The following CADM2 variants were observed in gnomAD, a reference collection of about 807,000 sequenced individuals.
CADM2 encodes immunoglobulin superfamily member 4D.
CADM2 carries 12 observed loss-of-function variants against 49.8 expected under a neutral mutation model. The observed-to-expected ratio is 0.24, with a 90% CI of 0.15 to 0.39. The LOEUF is 0.39. CADM2 is among the 10% of genes least tolerant of loss of function. The pLI, the probability that CADM2 is intolerant of heterozygous loss-of-function variation, is 1.00. For missense variants in CADM2, 378 were observed against 492.3 expected (o/e 0.77, Z 2.20); for synonymous variants, 214 against 175.4 (o/e 1.22, Z -1.74).
At chr3:85,229,999 C>T (rs768788148) in intron 1 of CADM2, among the ~76,000 whole-genome samples, 8 of 152,148 alleles carry the variant, frequency 5.3e-5, no homozygotes, top group Non-Finnish European at 7.4e-5. Context: ...ACACGTGGGT[C>T]TCAGGATAAA....
rs908342874 is a variant in CADM2, at chr3:85,639,504, C to G, written c.62-87018C>G. Among the ~76,000 whole-genome samples, 6 of 152,204 alleles carry G rather than the reference C, an allele frequency of 3.9e-5. No individual in the cohort carries two copies. The East Asian group carries it at 1.2e-3, about 29-fold the overall frequency. ...TTTCAGGTATTAAGTTCAGTCAACT[C>G]GTAGAATGCTCTACCACCAGGAGTT... On this transcript the variant is annotated intron_variant, in intron 1 of 9. Transcript: ENST00000383699.
intron 1 of CADM2, among the ~76,000 whole-genome samples, chr3:85,327,593 A>ACACAC (rs1430869409): frequency 6.8e-5 from 10 of 146,342 alleles, no homozygotes; most frequent in Non-Finnish European, 1.4e-4. Context: ...CACACACCAC[A>ACACAC]CACACACACA....
intron 1 of CADM2, among the ~76,000 whole-genome samples, chr3:85,104,099 GT>G (rs2038117905): frequency 6.6e-6 from 1 of 151,804 alleles, no homozygotes; most frequent in African/African-American, 2.4e-5. Context: ...TGCTTTTGGT[GT>G]TTTAGACATG....
intron 1 of CADM2, among the ~76,000 whole-genome samples, chr3:84,983,032 C>T (rs531951016): frequency 1.3e-5 from 2 of 152,038 alleles, no homozygotes; most frequent in Admixed American, 1.3e-4. Flanking sequence ...CAGGCCTGAG[C>T]CACTGCGCCC....
chr3:85,136,411 T>G (rs189803103), intron 1 of CADM2, among the ~76,000 whole-genome samples: 1 of 151,974 alleles, frequency 6.6e-6, no homozygotes, highest in African/African-American at 2.4e-5. Context: ...TGAAAAAGTT[T>G]AGAAACAGAA....
At chr3:85,874,020 T>C (rs987571216) in intron 3 of CADM2, among the ~76,000 whole-genome samples, 25 of 152,110 alleles carry the variant, frequency 1.6e-4, no homozygotes, top group African/African-American at 6.0e-4. Context: ...TTATGGACTA[T>C]TGTTAATAAA....
intron 1 of CADM2, among the ~76,000 whole-genome samples, chr3:85,646,024 T>C (rs2107566777): frequency 6.6e-6 from 1 of 152,118 alleles, no homozygotes; most frequent in African/African-American, 2.4e-5. Flanking sequence ...TTTTTGTTGT[T>C]GATGTCCCTG....
chr3:85,716,905 A>G (rs1350685536), intron 1 of CADM2, among the ~76,000 whole-genome samples: 1 of 152,126 alleles, frequency 6.6e-6, no homozygotes, highest in Non-Finnish European at 1.5e-5. Context: ...GTAGACTTGT[A>G]GCACAGTTTG....
At chr3:85,161,909 CG>C (rs1265744274) in intron 1 of CADM2, among the ~76,000 whole-genome samples, 2 of 151,862 alleles carry the variant, frequency 1.3e-5, no homozygotes, top group African/African-American at 4.8e-5. Flanking sequence ...CCCACCTACT[CG>C]GGAGGCTGAG....
intron 2 of CADM2, among the ~76,000 whole-genome samples, chr3:85,762,966 T>G (rs2069465233): frequency 6.6e-6 from 1 of 152,064 alleles, no homozygotes; most frequent in Admixed American, 6.6e-5. Flanking sequence ...TGCTAATATC[T>G]CTGATGATAG....
chr3:85,253,647 T>C (rs1463275533), intron 1 of CADM2, among the ~76,000 whole-genome samples: 2 of 152,096 alleles, frequency 1.3e-5, no homozygotes, highest in South Asian at 2.1e-4. Flanking sequence ...GTCCTCCAAG[T>C]TTGTCGCATC....
intron 1 of CADM2, among the ~76,000 whole-genome samples, chr3:85,494,056 T>A (rs542537676): frequency 6.6e-6 from 1 of 152,286 alleles, no homozygotes; most frequent in East Asian, 1.9e-4. Context: ...CAATACTTGT[T>A]AAATGCATCA....
At chr3:86,064,420 G>T (rs940581289) in intron 8 of CADM2, among the ~76,000 whole-genome samples, 1 of 152,098 alleles carries the variant, frequency 6.6e-6, no homozygotes, top group Non-Finnish European at 1.5e-5. Context: ...ATTCCATGGT[G>T]TATATGTGCC....
intron 1 of CADM2, among the ~76,000 whole-genome samples, chr3:85,332,345 A>G (rs2044951288): frequency 6.6e-6 from 1 of 152,016 alleles, no homozygotes; most frequent in African/African-American, 2.4e-5. Context: ...AAAATTAAAT[A>G]TCCCAATTTA....
At chr3:85,133,638 T>C (rs555368620) in intron 1 of CADM2, among the ~76,000 whole-genome samples, 4 of 152,002 alleles carry the variant, frequency 2.6e-5, no homozygotes, top group South Asian at 4.2e-4. Flanking sequence ...AGAGTGTCGA[T>C]TGGTGCATTC....
chr3:85,791,809 C>T (rs2071355382), intron 2 of CADM2, among the ~76,000 whole-genome samples: 2 of 152,096 alleles, frequency 1.3e-5, no homozygotes, highest in Admixed American at 6.5e-5. Context: ...CTGCAAGCTC[C>T]ACCTCCTGGG....
At chr3:85,372,845 A>T (rs2033349951) in intron 1 of CADM2, among the ~76,000 whole-genome samples, 1 of 152,160 alleles carries the variant, frequency 6.6e-6, no homozygotes. Context: ...TGCCCTTCAT[A>T]AAACCATCAG....
chr3:85,170,866 T>C (rs987930850), intron 1 of CADM2, among the ~76,000 whole-genome samples: 2 of 152,164 alleles, frequency 1.3e-5, no homozygotes, highest in Admixed American at 1.3e-4. Context: ...TAATACTGTG[T>C]CAGCTTGGTA....
At chr3:85,708,678 T>G (rs932312631) in intron 1 of CADM2, among the ~76,000 whole-genome samples, 1 of 152,160 alleles carries the variant, frequency 6.6e-6, no homozygotes, top group African/African-American at 2.4e-5. Flanking sequence ...ATCCACAAAT[T>G]AACCAAAGCC....
Sources: gnomAD v4.1 joint callset for allele counts (sites outside exome capture counted in the v4.1 genomes callset) on GRCh38, gnomAD v4.1.1 for gene constraint, MANE v1.5 for transcripts, NCBI Gene and HGNC (gene_info 2026-07-23, HGNC 2026-07-21) for gene names.